PBX4: variants seen among roughly 807,000 people sequenced by gnomAD.
The protein encoded by PBX4 is pre-B-cell leukemia transcription factor 4.
PBX4 carries 26 observed loss-of-function variants against 35.1 expected under a neutral mutation model. That is an observed-to-expected ratio of 0.74 (90% CI 0.54 to 1.03). The LOEUF is 1.03. Among genes scored for constraint, PBX4 ranks in the 50% least tolerant of loss-of-function variants. PBX4 has a pLI of 0.00. For missense variants in PBX4, 448 were observed against 504.3 expected, an observed-to-expected ratio of 0.89 and a Z score of 1.07; for synonymous variants, 199 against 204.2, an observed-to-expected ratio of 0.97 and a Z score of 0.22.
At position 19,598,018 on chromosome 19, in the gene PBX4, C is replaced by T. The variant is rs533312807; in HGVS notation, c.193+1274G>A. ...ACTGAGCGCTTCTTAAAATGGTCAG[C>T]GTCATTCATGGATGACAAGGTCACA... On this transcript the variant is annotated intron_variant, in intron 2 of 7. Coordinates refer to ENST00000251203, the MANE Select transcript of PBX4 (RefSeq NM_025245.3). Among the ~76,000 whole-genome samples, 22 of 152,066 alleles carry T rather than the reference C, an allele frequency of 1.4e-4. No homozygotes were observed. The East Asian group carries it at 1.5e-3, about 11-fold the overall frequency.
chr19:19,600,304 A>T (rs1283357535), intron 1 of PBX4, among the ~76,000 whole-genome samples: 2 of 152,106 alleles, frequency 1.3e-5, no homozygotes, highest in Non-Finnish European at 1.5e-5. Flanking sequence ...AGGCAGGAGG[A>T]CCACTTGAGC....
intron 1 of PBX4, among the ~76,000 whole-genome samples, chr19:19,612,819 C>T (rs2061669650): frequency 6.6e-6 from 1 of 151,196 alleles, no homozygotes; most frequent in Non-Finnish European, 1.5e-5. Flanking sequence ...ATAACGCCCC[C>T]CACCACACCA....
At chr19:19,581,339 C>G (rs577510453) in intron 2 of PBX4, among the ~76,000 whole-genome samples, 7 of 152,290 alleles carry the variant, frequency 4.6e-5, no homozygotes, top group Middle Eastern at 3.4e-3. Context: ...GAAGGCTGAG[C>G]CTGAGCTGCT....
In PBX4 at chr19:19,562,186, G is replaced by T; in HGVS notation, c.1033-69C>A. The stretch of plus-strand genomic sequence containing the variant: ...CTGGTGACTACCCAGCCCACGTGCT[G>T]CAGGCGGAGCCTCCAGGGGTCCCTG... On this transcript the variant is annotated intron_variant, in intron 7 of 7. Transcript: ENST00000251203. The surrounding 1 kb of genome is among the most constrained non-coding windows in gnomAD (Gnocchi z 4.8). 8.2e-7 allele frequency: 1 copy of T among 1,220,000 alleles called. No homozygotes were observed. Among genetic ancestry groups the T allele is most frequent in the Non-Finnish European group, 1.2e-6 (1 of 864,852 alleles). 75.6% of individuals were successfully genotyped at this position (1,220,000 alleles called of 1,614,324 possible).
intron 2 of PBX4, among the ~76,000 whole-genome samples, chr19:19,580,900 T>C (rs1248830892): frequency 6.6e-6 from 1 of 152,180 alleles, no homozygotes; most frequent in African/African-American, 2.4e-5. Flanking sequence ...GCCCAGCTAA[T>C]TTTTATATTT....
At chr19:19,569,639 C>T (rs904532510) in intron 4 of PBX4, 55 bp from the exon 5 acceptor site, 19 of 1,586,158 alleles carry the variant, frequency 1.2e-5, no homozygotes, top group Non-Finnish European at 1.6e-5. Context: ...CAGTACCACC[C>T]CCACCTCTAG....
chr19:19,582,375 C>T (rs1163785860), intron 2 of PBX4, among the ~76,000 whole-genome samples: 1 of 152,190 alleles, frequency 6.6e-6, no homozygotes, highest in Non-Finnish European at 1.5e-5. Flanking sequence ...AGACCTTAAG[C>T]AGACACACAC....
At position 19,564,888 on chromosome 19, in the gene PBX4, G is replaced by C. The variant is rs770183438; in HGVS notation, c.925+45C>G. The C allele has an allele frequency of 2.3e-5, 37 of 1,611,900 alleles. No homozygotes were observed. In the East Asian group the frequency reaches 8.3e-4, roughly 36 times the overall value. ...CCTCCCCAGATGCAGCTCAGTGGCC[G>C]TCCACATGGGTACAGATGACTGTCC... On this transcript the variant is annotated intron_variant, in intron 6 of 7. Transcript: ENST00000251203.
chr19:19,576,703 G>A (rs187201895), intron 2 of PBX4, among the ~76,000 whole-genome samples: 7 of 151,726 alleles, frequency 4.6e-5, no homozygotes, highest in African/African-American at 7.3e-5. Flanking sequence ...CTGTAACCTC[G>A]ACCTCCTGGG....
At chr19:19,572,025 C>T (rs1445835821) in intron 2 of PBX4, among the ~76,000 whole-genome samples, 3 of 115,446 alleles carry the variant, frequency 2.6e-5, no homozygotes, top group Non-Finnish European at 5.3e-5. Context: ...AGAGAGACCC[C>T]GTCTCAAAAA....
At chr19:19,589,953 G>C (rs1382277303) in intron 2 of PBX4, among the ~76,000 whole-genome samples, 1 of 152,132 alleles carries the variant, frequency 6.6e-6, no homozygotes, top group Non-Finnish European at 1.5e-5. Context: ...TAAGCCCTAA[G>C]AGGCAGCAAA....
intron 1 of PBX4, 35 bp downstream of exon 1, chr19:19,618,476 C>T (rs759960876): frequency 5.7e-6 from 8 of 1,411,560 alleles, no homozygotes; most frequent in East Asian, 2.9e-5. Context: ...ACTGCCACGA[C>T]CCTGCGTGGC....
intron 5 of PBX4, among the ~76,000 whole-genome samples, chr19:19,566,168 C>G (rs983869040): frequency 6.6e-6 from 1 of 152,158 alleles, no homozygotes; most frequent in African/African-American, 2.4e-5. Flanking sequence ...GGAATCAGCC[C>G]AGCTCTGACT....
intron 1 of PBX4, among the ~76,000 whole-genome samples, chr19:19,613,380 A>G (rs2061672883): frequency 6.7e-6 from 1 of 149,970 alleles, no homozygotes; most frequent in South Asian, 2.1e-4. Flanking sequence ...AGGCAGGAGA[A>G]TCTCTTGAAC....
At chr19:19,592,908 G>A (rs972570261) in intron 2 of PBX4, among the ~76,000 whole-genome samples, 7 of 152,108 alleles carry the variant, frequency 4.6e-5, no homozygotes, top group African/African-American at 1.7e-4. Context: ...GGGGTGGGGC[G>A]GCATGCAGCC....
At position 19,600,678 on chromosome 19, in the gene PBX4, G is replaced by A. The variant is rs528290929; in HGVS notation, c.120-1313C>T. On this transcript the variant is annotated intron_variant, in intron 1 of 7. Transcript: ENST00000251203. Reference sequence around the variant, plus strand: ...TACTAAAAGTACAAAAAAGCTGGGCGTGGTGGTGCACACCTGTAATCCCAG... The same window carrying A: ...TACTAAAAGTACAAAAAAGCTGGGCATGGTGGTGCACACCTGTAATCCCAG... Among the ~76,000 whole-genome samples the A allele has an allele frequency of 4.2e-3, 642 of 151,922 alleles. 4 individuals are homozygous for A. Among genetic ancestry groups the A allele is most frequent in the African/African-American group, 0.014 (596 of 41,458 alleles).
At chr19:19,606,104 AAGGTAAC>A (rs1183845123) in intron 1 of PBX4, among the ~76,000 whole-genome samples, 2 of 152,186 alleles carry the variant, frequency 1.3e-5, no homozygotes, top group Non-Finnish European at 2.9e-5. Context: ...GACACACCCT[AAGGTAAC>A]CCCCAGTGAG....
chr19:19,570,515 T>TTA (rs1180467950), intron 3 of PBX4, 71 bp downstream of exon 3: 11 of 1,578,420 alleles, frequency 7.0e-6, no homozygotes, highest in Non-Finnish European at 9.5e-6. Context: ...AGAAAGGTGG[T>TTA]TAGCGTTCCG....
chr19:19,580,520 C>T (rs1431355066), intron 2 of PBX4, among the ~76,000 whole-genome samples: 2 of 152,178 alleles, frequency 1.3e-5, no homozygotes, highest in Non-Finnish European at 2.9e-5. Flanking sequence ...TTTCCTGTTC[C>T]AGTTTTCAGA....
Sources: gnomAD v4.1 joint callset for allele counts (sites outside exome capture counted in the v4.1 genomes callset) on GRCh38, gnomAD v4.1.1 for gene constraint, Gnocchi (gnomAD v3.1) non-coding constraint, MANE v1.5 for transcripts, NCBI Gene and HGNC (gene_info 2026-07-23, HGNC 2026-07-21) for gene names.